ZNF707: variants seen among roughly 807,000 people sequenced by gnomAD.
ZNF707 encodes zinc finger protein 707.
Under a neutral mutation model 13.3 loss-of-function variants are expected in ZNF707, and 8 were observed. That is an observed-to-expected ratio of 0.60 (90% CI 0.35 to 1.09). The LOEUF is 1.09. Among genes scored for constraint, ZNF707 ranks in the 50% least tolerant of loss-of-function variants. ZNF707 has a pLI of 0.02. For synonymous variants in ZNF707, 225 were observed against 205.6 expected, an observed-to-expected ratio of 1.09 and a Z score of -0.81; for missense variants, 530 against 512.6, an observed-to-expected ratio of 1.03 and a Z score of -0.33.
intron 5 of ZNF707, chr8:143,692,212 C>T (rs1554613837): frequency 7.7e-7 from 1 of 1,291,880 alleles, no homozygotes; most frequent in Non-Finnish European, 1.0e-6. Context: ...GGGCAGTTGT[C>T]AGCAGGGTTT....
At chr8:143,686,029 G>T (rs1587366892) in intron 1 of ZNF707, among the ~76,000 whole-genome samples, 1 of 152,288 alleles carries the variant, frequency 6.6e-6, no homozygotes, top group East Asian at 1.9e-4. Context: ...TGCTTTCCAG[G>T]CTGGGAAGCC....
In ZNF707 at chr8:143,691,707, C is replaced by G. The variant is rs892150599; in HGVS notation, c.250C>G (p.Arg84Gly). 1.9e-6 allele frequency: 3 copies of G among 1,589,368 alleles called. No homozygotes were observed. The highest frequency in any genetic ancestry group is 2.3e-5 in the South Asian group (2 of 86,936). The change falls in exon 5 of 6, where the codon CGG (arginine) becomes GGG (glycine). Residue 84 changes from arginine (R) to glycine (G), a missense_variant. Transcript: ENST00000358656. ...GTTCCAGGCAGTGCAGAGGGGACCC[C>G]GGCCAGGTGAGTGCTGGGCTGTCTG... ...PEFQAVQRGP[R>G]PGARKSADPK...
In ZNF707 at chr8:143,694,567, A is replaced by C; in HGVS notation, c.*37A>C. ...GAGTGGGGTGCTGCGCCTCTGCGGG[A>C]GTACTGGGTCCTGAGGGAGAGCTGC... On this transcript the variant is annotated 3_prime_UTR_variant, in exon 6 of 6. Transcript: ENST00000358656. This position sits in a 1 kb window ranked among gnomAD's most constrained non-coding sequence, Gnocchi z 4.4. The C allele has an allele frequency of 8.4e-6, 13 of 1,541,334 alleles. No homozygotes were observed. The highest frequency in any genetic ancestry group is 1.1e-5 in the Non-Finnish European group (13 of 1,141,590).
chr8:143,687,815 G>A (rs1554612514), intron 1 of ZNF707, among the ~76,000 whole-genome samples: 2 of 152,130 alleles, frequency 1.3e-5, no homozygotes, highest in African/African-American at 4.8e-5. Context: ...AGGTCTGCCG[G>A]GTTGAAGAAG....
At chr8:143,692,949 G>T (rs1799700878) in intron 5 of ZNF707, among the ~76,000 whole-genome samples, 1 of 152,114 alleles carries the variant, frequency 6.6e-6, no homozygotes, top group South Asian at 2.1e-4. Context: ...TGAGAATCAG[G>T]TGGAGCTACC....
At chr8:143,686,653 T>C (rs1471581392) in intron 1 of ZNF707, among the ~76,000 whole-genome samples, 3 of 152,150 alleles carry the variant, frequency 2.0e-5, no homozygotes, top group Non-Finnish European at 4.4e-5. Context: ...TGGCTTACCT[T>C]TGTGTCTCTT....
intron 3 of ZNF707, 152 bp downstream of exon 3, chr8:143,690,275 G>T: frequency 9.7e-7 from 1 of 1,026,448 alleles, no homozygotes; most frequent in African/African-American, 1.6e-5. Context: ...GGTGGGGAAA[G>T]AAAAAGAAAA....
Position 143,693,763 on chromosome 8 carries a change from G to A in ZNF707, c.349G>A (p.Gly117Arg), listed in dbSNP as rs1554614307. 1 of 1,613,190 alleles carries A rather than the reference G, an allele frequency of 6.2e-7. No homozygotes were observed. The highest frequency in any genetic ancestry group is 1.7e-5 in the Admixed American group (1 of 60,026). Residue 117 changes from glycine to arginine, a missense_variant, in exon 6 of 6, where the codon GGA (glycine) becomes AGA (arginine). Transcript: ENST00000358656. The surrounding 1 kb of genome is among the most constrained non-coding windows in gnomAD (Gnocchi z 4.1). ...CGTGCGGCGAGAAAGAGCCAGGGAA[G>A]GAAGCAGCTTTAGGAAGGGCTTCAG... ...THVRRERARE[G>R]SSFRKGFRLD... is the part of the protein sequence containing the mutation.
chr8:143,691,226 G>A (rs1554613519), intron 4 of ZNF707, 27 bp downstream of exon 4: 3 of 1,593,578 alleles, frequency 1.9e-6, no homozygotes, highest in Non-Finnish European at 2.6e-6. Context: ...CGCAGCGTGA[G>A]CACAGGGTGA....
chr8:143,691,851 A>C, intron 5 of ZNF707, 138 bp downstream of exon 5: 1 of 972,160 alleles, frequency 1.0e-6, no homozygotes, highest in Non-Finnish European at 1.5e-6. Flanking sequence ...TCTAAATTAG[A>C]CAGGCATTAG....
chr8:143,685,454 A>G lies in ZNF707; in HGVS notation c.-151+912A>G, dbSNP rs532748746. ...GGCAAGAGAATCGTTTGAACCCAAG[A>G]GGCAGAGGTTGCAGTGAGCAGAGAT... On this transcript the variant is annotated intron_variant, in intron 1 of 5. Transcript: ENST00000358656. Among the ~76,000 whole-genome samples the G allele has an allele frequency of 6.3e-4, 96 of 151,594 alleles. 7 individuals carry two copies. The South Asian group carries it at 0.019, about 31-fold the overall frequency.
intron 1 of ZNF707, among the ~76,000 whole-genome samples, chr8:143,688,268 GA>G (rs202124499): frequency 6.6e-6 from 1 of 150,546 alleles, no homozygotes; most frequent in South Asian, 2.1e-4. Flanking sequence ...TTGAAAGAGT[GA>G]AAAAAAAATA....
intron 1 of ZNF707, among the ~76,000 whole-genome samples, chr8:143,686,367 T>C (rs1250366839): frequency 6.6e-6 from 1 of 150,580 alleles, no homozygotes; most frequent in Non-Finnish European, 1.5e-5. Flanking sequence ...CCACCGCGAA[T>C]GGCCGGGAGC....
At position 143,691,706 on chromosome 8, in the gene ZNF707, C is replaced by G. The variant is rs782737438; in HGVS notation, c.249C>G (p.Pro83=). Residue 83 remains proline (P), a synonymous_variant, in exon 5 of 6, where the codon CCC becomes CCG. Coordinates refer to ENST00000358656, the MANE Select transcript of ZNF707 (RefSeq NM_001100598.2). ...RPEFQAVQRG[P]RPGARKSADP... is the part of the protein sequence containing the mutation. Reference sequence around the variant, plus strand: ...AGTTCCAGGCAGTGCAGAGGGGACCCCGGCCAGGTGAGTGCTGGGCTGTCT... The same window carrying G: ...AGTTCCAGGCAGTGCAGAGGGGACCGCGGCCAGGTGAGTGCTGGGCTGTCT... 28 of 1,590,296 alleles carry G rather than the reference C, an allele frequency of 1.8e-5. No homozygotes were observed. In the East Asian group the frequency reaches 6.4e-4, roughly 37 times the overall value.
chr8:143,690,433 C>T (rs938961647), intron 3 of ZNF707: 4 of 367,310 alleles, frequency 1.1e-5, no homozygotes, highest in East Asian at 5.2e-5. Context: ...TAGCTGGGCA[C>T]GCACCTGTAG....
chr8:143,686,159 A>G (rs1383100142), intron 1 of ZNF707, among the ~76,000 whole-genome samples: 3 of 151,740 alleles, frequency 2.0e-5, no homozygotes, highest in African/African-American at 7.3e-5. Flanking sequence ...GTGCAGTGGC[A>G]TAATCTCGGC....
At position 143,694,479 on chromosome 8, in the gene ZNF707, C is replaced by A. The variant is rs781838187; in HGVS notation, c.1065C>A (p.His355Gln). The change falls in exon 6 of 6, where the codon CAC becomes CAA. Residue 355 changes from histidine to glutamine, a missense_variant. His to Gln is a conservative substitution (Grantham distance 24, BLOSUM62 0). Transcript: ENST00000358656. This position sits in a 1 kb window ranked among gnomAD's most constrained non-coding sequence, Gnocchi z 4.4. ...GCCACTGTGGGAAAGGCTTCCGTCA[C>A]CTGGGGTTCTTCACGCGGCATCAGA... ...ECGHCGKGFR[H>Q]LGFFTRHQRT... 9 of 1,610,804 alleles carry A rather than the reference C, an allele frequency of 5.6e-6. No individual in the cohort carries two copies. The highest frequency in any genetic ancestry group is 1.3e-5 in the African/African-American group (1 of 74,886).
chr8:143,691,779 TCA>T, intron 5 of ZNF707, 66 bp downstream of exon 5: 1 of 1,377,112 alleles, frequency 7.3e-7, no homozygotes, highest in Non-Finnish European at 1.0e-6. Flanking sequence ...TGGGTAGTGC[TCA>T]GCACGCTGCA....
At chr8:143,690,021 G>A (rs1216965191) in intron 2 of ZNF707, 36 bp from the exon 3 acceptor site, 2 of 1,580,902 alleles carry the variant, frequency 1.3e-6, no homozygotes, top group East Asian at 4.5e-5. Context: ...GCATTCCCAG[G>A]CCGGCTATAC....
Sources: gnomAD v4.1 joint callset for allele counts (sites outside exome capture counted in the v4.1 genomes callset) on GRCh38, gnomAD v4.1.1 for gene constraint, Gnocchi (gnomAD v3.1) non-coding constraint, MANE v1.5 for transcripts, NCBI Gene and HGNC (gene_info 2026-07-23, HGNC 2026-07-21) for gene names.